The following CFAP46 variants were observed in gnomAD, a reference collection of about 807,000 sequenced individuals.
CFAP46 encodes the protein cilia- and flagella-associated protein 46.
Under a neutral mutation model 325.7 loss-of-function variants are expected in CFAP46, and 245 were observed. That is an observed-to-expected ratio of 0.75 (90% CI 0.68 to 0.84). CFAP46 has a LOEUF of 0.84. Among genes scored for constraint, CFAP46 ranks in the 40% least tolerant of loss-of-function variants. CFAP46 has a pLI of 0.00. For missense variants in CFAP46, 3,346 were observed against 3,543.0 expected (o/e 0.94, Z 1.41); for synonymous variants, 1,523 against 1,495.9 (o/e 1.02, Z -0.42).
At chr10:132,836,950 T>C (rs746638216) in intron 44 of CFAP46, 36 bp from the exon 45 acceptor site, 2 of 1,487,512 alleles carry the variant, frequency 1.3e-6, no homozygotes, top group Non-Finnish European at 1.9e-6. Flanking sequence ...GGGATGCATT[T>C]AGGACGCAAG....
chr10:132,839,808 A>G (rs1267634945), intron 44 of CFAP46, among the ~76,000 whole-genome samples: 1 of 152,180 alleles, frequency 6.6e-6, no homozygotes, highest in Non-Finnish European at 1.5e-5. Context: ...ATGATATCGA[A>G]TGATTTTTGA....
At position 132,846,104 on chromosome 10, in the gene CFAP46, T is replaced by C. The variant is rs1383705957; in HGVS notation, c.6391A>G (p.Thr2131Ala). 1.9e-6 allele frequency: 3 copies of C among 1,606,046 alleles called. No individual in the cohort carries two copies. The highest frequency in any genetic ancestry group is 2.5e-6 in the Non-Finnish European group (3 of 1,178,892). ...TGCTCCACACGGGCGCCCAGGCTGG[T>C]GGTGGTCCTGTCTTGGCACCGGAGC... ...HQLRCQDRTTTSLGARVEQRL... is the reference protein window; with the variant it reads ...HQLRCQDRTTASLGARVEQRL... Residue 2131 changes from threonine to alanine, a missense_variant, in exon 44 of 58, where the codon ACC (threonine) becomes GCC (alanine). Thr to Ala is a moderately conservative substitution (Grantham distance 58). Coordinates refer to ENST00000368586, the MANE Select transcript of CFAP46 (RefSeq NM_001200049.3).
intron 17 of CFAP46, among the ~76,000 whole-genome samples, chr10:132,913,508 G>A (rs1046806726): frequency 1.3e-5 from 2 of 152,150 alleles, no homozygotes; most frequent in Non-Finnish European, 2.9e-5. Context: ...TGCGATCAGC[G>A]CATTCCAAGG....
chr10:132,876,738 C>A lies in CFAP46; in HGVS notation c.4362+74G>T. On this transcript the variant is annotated intron_variant, in intron 31 of 57. Coordinates refer to ENST00000368586, the MANE Select transcript of CFAP46 (RefSeq NM_001200049.3). The surrounding 1 kb of genome is among the most constrained non-coding windows in gnomAD (Gnocchi z 4.1). ...TTCTGGCTACAGTTCACAGTGAAAA[C>A]TGGACTTGGGGACAGGTCAAGGGGA... 1 of 1,438,330 alleles carries A rather than the reference C, an allele frequency of 7.0e-7. No individual in the cohort carries two copies. The highest frequency in any genetic ancestry group is 9.3e-7 in the Non-Finnish European group (1 of 1,078,492). 89.1% of individuals were successfully genotyped at this position (1,438,330 alleles called of 1,614,324 possible).
intron 25 of CFAP46, among the ~76,000 whole-genome samples, chr10:132,887,378 TTC>T (rs755363646): frequency 1.2e-4 from 11 of 91,738 alleles, no homozygotes; most frequent in East Asian, 3.1e-4. Flanking sequence ...CTCTCCCCTC[TTC>T]TCTCTCTCCT....
chr10:132,922,608 C>A lies in CFAP46; in HGVS notation c.1357G>T (p.Ala453Ser), dbSNP rs558579035. 27 of 1,549,512 alleles carry A rather than the reference C, an allele frequency of 1.7e-5. No homozygotes were observed. Among genetic ancestry groups the A allele is most frequent in the Middle Eastern group, 1.7e-4 (1 of 5,930 alleles). Residue 453 changes from alanine (A) to serine (S), a missense_variant, in exon 12 of 58, where the codon GCG (alanine) becomes TCG (serine). Transcript: ENST00000368586. Reference sequence around the variant, plus strand: ...TAGAGGCCCAGGCTGTCCAGGCGCGCGGCTTTCCGGAGGTGCTCCGTGGCG... The same window carrying A: ...TAGAGGCCCAGGCTGTCCAGGCGCGAGGCTTTCCGGAGGTGCTCCGTGGCG... ...EPATEHLRKA[A>S]RLDSLGLYRD...
rs1022641042 is a variant in CFAP46, at chr10:132,814,307, G to T, written c.7286-53C>A. The T allele has an allele frequency of 5.0e-5, 73 of 1,458,528 alleles. No homozygotes were observed. In the African/African-American group the frequency reaches 9.1e-4, roughly 18 times the overall value. 90.3% of individuals were successfully genotyped at this position (1,458,528 alleles called of 1,614,324 possible). A position where few individuals can be genotyped will look rare whatever the true frequency, so the allele number is the denominator to read the frequency against. On this transcript the variant is annotated intron_variant, in intron 53 of 57. Coordinates refer to ENST00000368586, the MANE Select transcript of CFAP46 (RefSeq NM_001200049.3). The stretch of plus-strand genomic sequence containing the variant: ...CCACGGTGTTTCATCAGACACGGGT[G>T]TGCAGGGCCGGGGTCCCTGGGGAGG...
intron 25 of CFAP46, among the ~76,000 whole-genome samples, chr10:132,887,228 C>G (rs1481686166): frequency 6.0e-5 from 6 of 99,630 alleles, no homozygotes; most frequent in Admixed American, 5.7e-4. Flanking sequence ...TCTTCTCTCT[C>G]TCCTCTCCCC....
At chr10:132,809,689 G>C (rs992989901) in intron 57 of CFAP46, among the ~76,000 whole-genome samples, 1 of 152,070 alleles carries the variant, frequency 6.6e-6, no homozygotes. Flanking sequence ...CCTCCCCGGG[G>C]TCCCGGGAAG....
At chr10:132,841,283 G>A (rs1229150175) in intron 44 of CFAP46, among the ~76,000 whole-genome samples, 4 of 152,208 alleles carry the variant, frequency 2.6e-5, no homozygotes, top group Admixed American at 6.5e-5. Context: ...ACTTGAAAAC[G>A]GGAATAGGCA....
chr10:132,938,221 T>C (rs1404563143), intron 5 of CFAP46, among the ~76,000 whole-genome samples: 1 of 152,244 alleles, frequency 6.6e-6, no homozygotes, highest in Non-Finnish European at 1.5e-5. Context: ...GGGCTCCGCA[T>C]GTGCTGACTC....
chr10:132,857,801 T>A lies in CFAP46; in HGVS notation c.5376-13A>T, dbSNP rs1379529077. 1 of 1,499,446 alleles carries A rather than the reference T, an allele frequency of 6.7e-7. No homozygotes were observed. Among genetic ancestry groups the A allele is most frequent in the Admixed American group, 2.6e-5 (1 of 38,412 alleles). 92.9% of individuals were successfully genotyped at this position (1,499,446 alleles called of 1,614,324 possible). ...CTGGGCACGTAACCTTTATAAGACATAAGAATGGAATTTTAAAACATTATG... is the reference window on the plus strand; with the variant it reads ...CTGGGCACGTAACCTTTATAAGACAAAAGAATGGAATTTTAAAACATTATG... On this transcript the variant is annotated splice_polypyrimidine_tract_variant and intron_variant, in intron 38 of 57. Transcript: ENST00000368586.
intron 50 of CFAP46, 133 bp from the exon 51 acceptor site, chr10:132,815,047 G>A (rs555395163): frequency 1.2e-6 from 1 of 827,082 alleles, no homozygotes; most frequent in Non-Finnish European, 2.0e-6. Flanking sequence ...AGAACAAGCG[G>A]TTTTAATTTG....
At chr10:132,853,599 T>C (rs1848594749) in intron 39 of CFAP46, among the ~76,000 whole-genome samples, 1 of 148,580 alleles carries the variant, frequency 6.7e-6, no homozygotes, top group Non-Finnish European at 1.5e-5. Context: ...CGTATTATTT[T>C]TTCTTAAATA....
intron 50 of CFAP46, among the ~76,000 whole-genome samples, chr10:132,821,959 G>A (rs1489395651): frequency 7.1e-6 from 1 of 141,804 alleles, no homozygotes; most frequent in Admixed American, 7.1e-5. Flanking sequence ...GCTTGTGTGT[G>A]CTGTGTGTGC....
At chr10:132,823,882 GCTGT>G (rs1381244718) in intron 50 of CFAP46, among the ~76,000 whole-genome samples, 55 of 146,224 alleles carry the variant, frequency 3.8e-4, no homozygotes, top group Admixed American at 3.3e-3. Flanking sequence ...GCTGATGTGC[GCTGT>G]CTGTGCGCTG....
chr10:132,836,620 T>A (rs3750582), intron 45 of CFAP46, among the ~76,000 whole-genome samples, 197 bp downstream of exon 45: 1 of 150,638 alleles, frequency 6.6e-6, no homozygotes, highest in African/African-American at 2.4e-5. Context: ...AAGGGGTGTG[T>A]GGCGTCTCTG....
At chr10:132,887,304 CTCT>C (rs1437765125) in intron 25 of CFAP46, among the ~76,000 whole-genome samples, 4 of 115,038 alleles carry the variant, frequency 3.5e-5, no homozygotes, top group Non-Finnish European at 6.8e-5. Context: ...TTCCTCTCCC[CTCT>C]TCTCTCCCCT....
intron 19 of CFAP46, among the ~76,000 whole-genome samples, chr10:132,911,562 A>T (rs927060422): frequency 6.6e-5 from 10 of 152,296 alleles, no homozygotes; most frequent in African/African-American, 2.4e-4. Flanking sequence ...CCCTTGACTC[A>T]TTAGGAAACC....
Sources: gnomAD v4.1 joint callset for allele counts (sites outside exome capture counted in the v4.1 genomes callset) on GRCh38, gnomAD v4.1.1 for gene constraint, Gnocchi (gnomAD v3.1) non-coding constraint, MANE v1.5 for transcripts, NCBI Gene and HGNC (gene_info 2026-07-23, HGNC 2026-07-21) for gene names.